The following FANCL variants were observed in gnomAD, a reference collection of about 807,000 sequenced individuals.
FANCL encodes the protein FA complementation group L.
In FANCL, 69 loss-of-function variants were observed where a neutral mutation model predicts 59.4. The ratio of observed to expected loss-of-function variants is 1.16; its 90% confidence interval spans 0.96 to 1.42. The LOEUF (loss-of-function observed/expected upper bound fraction) is 1.42. Ranked by LOEUF, FANCL falls within the 40% of genes most tolerant of loss-of-function variation. The probability of loss-of-function intolerance (pLI) is 0.00; values close to 1 mark genes in which losing one functional copy is unlikely to be tolerated. For synonymous variants in FANCL, 180 were observed against 147.1 expected (o/e 1.22, Z -1.62); for missense variants, 519 against 447.2 (o/e 1.16, Z -1.45).
At chr2:58,215,704 CAA>C (rs11427269) in intron 5 of FANCL, among the ~76,000 whole-genome samples, 16 of 106,526 alleles carry the variant, frequency 1.5e-4, no homozygotes, top group Admixed American at 2.1e-4. Flanking sequence ...TATTAAGTGG[CAA>C]AAAAAAAAAA....
chr2:58,212,564 A>C (rs1280977720), intron 5 of FANCL, among the ~76,000 whole-genome samples: 1 of 152,246 alleles, frequency 6.6e-6, no homozygotes, highest in Non-Finnish European at 1.5e-5. Context: ...AGCTACTCAA[A>C]GCAAAAGTAT....
At chr2:58,219,115 T>C (rs1573763799) in intron 5 of FANCL, among the ~76,000 whole-genome samples, 2 of 111,704 alleles carry the variant, frequency 1.8e-5, no homozygotes, top group African/African-American at 7.1e-5. Context: ...AAAATTTCTT[T>C]CAGTGCCAGA....
At chr2:58,217,272 A>C (rs1691932838) in intron 5 of FANCL, among the ~76,000 whole-genome samples, 1 of 137,324 alleles carries the variant, frequency 7.3e-6, no homozygotes, top group Non-Finnish European at 1.6e-5. Context: ...AACAAGAGGA[A>C]TTTATTCTCT....
chr2:58,206,415 C>T (rs977124155), intron 5 of FANCL, among the ~76,000 whole-genome samples: 1 of 152,044 alleles, frequency 6.6e-6, no homozygotes, highest in African/African-American at 2.4e-5. Flanking sequence ...ATATGGGAGA[C>T]TGCTTTTCTT....
intron 7 of FANCL, among the ~76,000 whole-genome samples, chr2:58,187,291 C>T (rs551176076): frequency 6.6e-6 from 1 of 152,124 alleles, no homozygotes; most frequent in South Asian, 2.1e-4. Flanking sequence ...TGGAAACTAT[C>T]ATTCTCAGCA....
At chr2:58,199,597 T>C (rs1342431164) in intron 6 of FANCL, among the ~76,000 whole-genome samples, 1 of 152,270 alleles carries the variant, frequency 6.6e-6, no homozygotes, top group South Asian at 2.1e-4. Flanking sequence ...ACTAGTCATA[T>C]AAAAACTGGC....
intron 7 of FANCL, among the ~76,000 whole-genome samples, chr2:58,187,947 AT>A (rs1688569314): frequency 6.6e-6 from 1 of 152,110 alleles, no homozygotes; most frequent in South Asian, 2.1e-4. Flanking sequence ...CAATTTATCA[AT>A]TTGTTCTTTT....
intron 5 of FANCL, among the ~76,000 whole-genome samples, chr2:58,212,368 C>T (rs766319030): frequency 6.6e-6 from 1 of 152,156 alleles, no homozygotes; most frequent in Non-Finnish European, 1.5e-5. Context: ...GTCCCTCCTG[C>T]AACACATGGG....
Position 58,204,129 on chromosome 2 carries a change from C to G in FANCL, c.471+1G>C. 1.2e-6 allele frequency: 2 copies of G among 1,606,454 alleles called. No homozygotes were observed. Among genetic ancestry groups the G allele is most frequent in the Non-Finnish European group, 1.7e-6 (2 of 1,173,272 alleles). On this transcript the variant is annotated splice_donor_variant, in intron 6 of 13. Coordinates refer to ENST00000233741, the MANE Select transcript of FANCL (RefSeq NM_018062.4). LOFTEE classifies it high-confidence loss of function. ...CAATAACAGTTTAACGAGGCACATA[C>G]CTTTGCCTTCAACTTGAGAGTGATT... is the stretch of plus-strand genomic sequence containing the variant.
chr2:58,230,543 T>C (rs1282279547), intron 2 of FANCL, among the ~76,000 whole-genome samples: 1 of 152,174 alleles, frequency 6.6e-6, no homozygotes, highest in Non-Finnish European at 1.5e-5. Context: ...CTGACCTCTG[T>C]TGTGCTCCCG....
rs532651769 is a variant in FANCL, at chr2:58,235,948, A to AG, written c.97-3837dup. Among the ~76,000 whole-genome samples the AG allele has an allele frequency of 3.4e-4, 51 of 151,882 alleles. 1 individual carries two copies. In the East Asian group the frequency reaches 8.5e-3, roughly 25 times the overall value. ...ATCCCAAATAAAGAGAAAGACATTG[A>AG]GGGAAAAAAAAATGAACAGACCATG... On this transcript the variant is annotated intron_variant, in intron 1 of 13. Coordinates refer to ENST00000233741, the MANE Select transcript of FANCL (RefSeq NM_018062.4).
At chr2:58,181,422 T>C (rs1197907487) in intron 7 of FANCL, among the ~76,000 whole-genome samples, 1 of 152,046 alleles carries the variant, frequency 6.6e-6, no homozygotes, top group Non-Finnish European at 1.5e-5. Context: ...ATGTTAATAA[T>C]GTTCTGCATC....
chr2:58,204,211 ATCCG>A lies in FANCL; in HGVS notation c.386_389del (p.Ala129ValfsTer9). ...TTAACTTGATGGTACTGAAGCAGGT[ATCCG>A]CATACACAAGTCTGGTGAGCAGAGG... is the stretch of plus-strand genomic sequence containing the variant. On this transcript the variant is annotated frameshift_variant, in exon 6 of 14. Coordinates refer to ENST00000233741, the MANE Select transcript of FANCL (RefSeq NM_018062.4). LOFTEE classifies it high-confidence loss of function. The A allele has an allele frequency of 6.2e-7, 1 of 1,613,096 alleles. No individual in the cohort carries two copies. The highest frequency in any genetic ancestry group is 8.5e-7 in the Non-Finnish European group (1 of 1,179,140).
intron 5 of FANCL, 39 bp downstream of exon 5, chr2:58,221,903 A>G (rs1448859741): frequency 7.2e-7 from 1 of 1,396,746 alleles, no homozygotes. Flanking sequence ...AAAATATATA[A>G]AACAAAGGCA....
intron 7 of FANCL, among the ~76,000 whole-genome samples, chr2:58,194,926 C>A (rs1014442903): frequency 4.1e-5 from 6 of 146,144 alleles, no homozygotes; most frequent in African/African-American, 1.0e-4. Flanking sequence ...TATTATATCA[C>A]AAAAAAAAAA....
intron 7 of FANCL, among the ~76,000 whole-genome samples, chr2:58,169,770 T>C (rs1437021622): frequency 2.0e-5 from 3 of 151,766 alleles, no homozygotes; most frequent in Admixed American, 6.6e-5. Context: ...CAAGTATCAA[T>C]TGCCGAATCA....
intron 7 of FANCL, among the ~76,000 whole-genome samples, chr2:58,196,991 G>T (rs1249567670): frequency 6.7e-6 from 1 of 149,500 alleles, no homozygotes; most frequent in Non-Finnish European, 1.5e-5. Context: ...AATAAAAAAA[G>T]AAAGCTATAA....
chr2:58,233,559 C>A (rs1693762081), intron 1 of FANCL, among the ~76,000 whole-genome samples: 1 of 151,846 alleles, frequency 6.6e-6, no homozygotes, highest in African/African-American at 2.4e-5. Context: ...CACAAAAATC[C>A]CATGTTTTCA....
Position 58,232,071 on chromosome 2 carries a change from T to C in FANCL, c.138A>G (p.Leu46=). The C allele has an allele frequency of 6.2e-7, 1 of 1,613,396 alleles. No individual in the cohort carries two copies. Among genetic ancestry groups the C allele is most frequent in the Non-Finnish European group, 8.5e-7 (1 of 1,179,530 alleles). ...FHLRIVLPED[L]QLKNARLLCS... is the part of the protein sequence containing the mutation. ...CATATCACCTTGCATTCTTCAGTTG[T>C]AAATCTTCAGGCAACACTATCCTAA... Residue 46 remains leucine (L), a synonymous_variant, in exon 2 of 14, where the codon TTA becomes TTG. Coordinates refer to ENST00000233741, the MANE Select transcript of FANCL (RefSeq NM_018062.4).
Sources: allele counts gnomAD v4.1 joint callset (sites outside exome capture counted in the v4.1 genomes callset), GRCh38; gene constraint gnomAD v4.1.1; transcripts MANE v1.5; gene names NCBI Gene and HGNC (gene_info 2026-07-23, HGNC 2026-07-21).